The following ABI3BP variants were observed in gnomAD, a reference collection of about 807,000 sequenced individuals.
ABI3BP encodes target of Nesh-SH3.
A neutral mutation model predicts 268.6 loss-of-function variants in ABI3BP; 216 were observed. The ratio of observed to expected loss-of-function variants is 0.80; its 90% CI spans 0.72 to 0.90. ABI3BP has a LOEUF of 0.90. ABI3BP is among the 40% of genes least tolerant of loss of function. ABI3BP has a pLI of 0.00. For missense variants in ABI3BP, 2,090 were observed against 2,182.4 expected (o/e 0.96, Z 0.84); for synonymous variants, 730 against 730.0 (o/e 1.00, Z 0.00).
At chr3:100,768,920 A>G (rs571062337) in intron 62 of ABI3BP, among the ~76,000 whole-genome samples, 5 of 152,340 alleles carry the variant, frequency 3.3e-5, no homozygotes, top group African/African-American at 1.2e-4. Context: ...TATAGAAAGG[A>G]CATGTAGAAG....
intron 21 of ABI3BP, 116 bp from the exon 22 acceptor site, chr3:100,840,974 G>T: frequency 2.5e-6 from 2 of 799,338 alleles, no homozygotes; most frequent in Non-Finnish European, 3.8e-6. Context: ...AATATAAATG[G>T]TGAAGCTTTT....
chr3:100,850,839 G>A, intron 15 of ABI3BP, 105 bp from the exon 16 acceptor site: 1 of 816,838 alleles, frequency 1.2e-6, no homozygotes, highest in Admixed American at 2.4e-5. Context: ...AAAATATCAA[G>A]AATACTTGAG....
In ABI3BP at chr3:100,789,715, A is replaced by T. The variant is rs138784649; in HGVS notation, c.4025-199T>A. ...AAATATACATGACTGAAAATTAAAG[A>T]TGCACATAGAATGAGGTAGTTCATT... On this transcript the variant is annotated intron_variant, in intron 55 of 67. Transcript: ENST00000471714. Among the ~76,000 whole-genome samples, 23 of 152,166 alleles carry T rather than the reference A, an allele frequency of 1.5e-4. No individual in the cohort carries two copies. In the East Asian group the frequency reaches 4.4e-3, roughly 29 times the overall value.
chr3:100,938,861 A>T (rs1265919900), intron 1 of ABI3BP, among the ~76,000 whole-genome samples: 20 of 152,106 alleles, frequency 1.3e-4, no homozygotes, highest in Non-Finnish European at 2.9e-4. Context: ...CTGCAGTGGT[A>T]TGATGGCATG....
intron 6 of ABI3BP, among the ~76,000 whole-genome samples, chr3:100,883,047 A>C (rs2040198853): frequency 6.6e-6 from 1 of 152,110 alleles, no homozygotes; most frequent in African/African-American, 2.4e-5. Context: ...AGATGAAGGG[A>C]ACTTAGGGAG....
chr3:100,765,858 ATT>A lies in ABI3BP; in HGVS notation c.4831_4832del (p.Asn1611SerfsTer8). ...TGGCTTACCTCGTGTTTGGTTTCAG[ATT>A]TTCTACTGTGGAAAATGTCTGATTT... ...MTNQTFSTVE[N>X]LKPNTSYEFQ... is the part of the protein sequence containing the mutation. On this transcript the variant is annotated frameshift_variant, in exon 63 of 68. Transcript: ENST00000471714. LOFTEE classifies it high-confidence loss of function. 5.0e-6 allele frequency: 8 copies of A among 1,609,788 alleles called. No homozygotes were observed. The highest frequency in any genetic ancestry group is 6.8e-6 in the Non-Finnish European group (8 of 1,177,702).
intron 41 of ABI3BP, 138 bp downstream of exon 41, chr3:100,818,387 G>T: frequency 1.3e-6 from 1 of 763,096 alleles, no homozygotes; most frequent in Non-Finnish European, 2.1e-6. Flanking sequence ...ACAGAGCCTA[G>T]CATAATTTCA....
At chr3:100,794,711 A>G (rs1447769627) in intron 54 of ABI3BP, among the ~76,000 whole-genome samples, 1 of 152,010 alleles carries the variant, frequency 6.6e-6, no homozygotes, top group Non-Finnish European at 1.5e-5. Context: ...AATTTAACAC[A>G]TCTTAGATGT....
chr3:100,846,949 C>T (rs1024472280), intron 19 of ABI3BP, among the ~76,000 whole-genome samples: 2 of 152,146 alleles, frequency 1.3e-5, no homozygotes, highest in African/African-American at 4.8e-5. Flanking sequence ...GTATTAAGAC[C>T]AGCTATATTT....
intron 2 of ABI3BP, among the ~76,000 whole-genome samples, chr3:100,907,771 T>C (rs2054122999): frequency 6.6e-6 from 1 of 151,528 alleles, no homozygotes; most frequent in Non-Finnish European, 1.5e-5. Context: ...CAGCACATAA[T>C]ACAATAATAA....
chr3:100,775,801 G>T (rs2096683878), intron 59 of ABI3BP, among the ~76,000 whole-genome samples: 1 of 152,134 alleles, frequency 6.6e-6, no homozygotes, highest in South Asian at 2.1e-4. Flanking sequence ...GAGTGGAAGG[G>T]CAAGGAAGGG....
chr3:100,909,070 A>G (rs1253531899), intron 2 of ABI3BP, among the ~76,000 whole-genome samples: 1 of 152,212 alleles, frequency 6.6e-6, no homozygotes, highest in African/African-American at 2.4e-5. Context: ...ACATAGACCA[A>G]TGAAACAGAA....
chr3:100,757,724 A>AAC, intron 63 of ABI3BP, among the ~76,000 whole-genome samples: 1 of 152,328 alleles, frequency 6.6e-6, no homozygotes, highest in East Asian at 1.9e-4. Flanking sequence ...TGCCATTAAA[A>AAC]ACATACAACA....
chr3:100,816,759 G>A lies in ABI3BP; in HGVS notation c.3158C>T (p.Thr1053Ile), dbSNP rs1490001721. 1.3e-6 allele frequency: 2 copies of A among 1,535,760 alleles called. No homozygotes were observed. Among genetic ancestry groups the A allele is most frequent in the African/African-American group, 2.7e-5 (2 of 73,146 alleles). The change falls in exon 43 of 68, where the codon ACA becomes ATA. Residue 1053 changes from threonine to isoleucine, a missense_variant. By Grantham distance (89) the Thr-to-Ile change is moderately conservative. Transcript: ENST00000471714. ...KFPETTLAPK[T>I]QRTRRPRPRP... is the part of the protein sequence containing the mutation. The stretch of plus-strand genomic sequence containing the variant: ...GGGACGGGGACGACGTGTCCGTTGT[G>A]TTTTAGGAGCTGAAGGAAGAAACTT...
At chr3:100,766,508 G>A (rs2096276030) in intron 62 of ABI3BP, among the ~76,000 whole-genome samples, 1 of 152,186 alleles carries the variant, frequency 6.6e-6, no homozygotes, top group South Asian at 2.1e-4. Flanking sequence ...AACTATAGGA[G>A]TAGTTGGTTT....
At chr3:100,810,846 CTG>C (rs372027133) in intron 48 of ABI3BP, among the ~76,000 whole-genome samples, 1 of 152,084 alleles carries the variant, frequency 6.6e-6, no homozygotes, top group Non-Finnish European at 1.5e-5. Context: ...ATATAAATAA[CTG>C]TGATGGGATA....
At chr3:100,986,453 G>A (rs966079223) in intron 1 of ABI3BP, among the ~76,000 whole-genome samples, 4 of 152,052 alleles carry the variant, frequency 2.6e-5, no homozygotes, top group African/African-American at 9.7e-5. Context: ...TTTGTTATAA[G>A]AAAAAGATAA....
rs1348539246 is a variant in ABI3BP, at chr3:100,795,789, T to C, written c.3865+15A>G. On this transcript the variant is annotated intron_variant, in intron 53 of 67. Transcript: ENST00000471714. ...GCAAAGAAAACAGAGTTGGTCAATA[T>C]GGGAAAACCATTACCTATTGTTGTC... The C allele has an allele frequency of 1.0e-5, 13 of 1,285,282 alleles. No individual in the cohort carries two copies. The highest frequency in any genetic ancestry group is 1.3e-5 in the Non-Finnish European group (13 of 987,350). The allele number at this position is 1,285,282 out of a possible 1,614,324, so 79.6% of individuals were successfully genotyped here.
intron 53 of ABI3BP, 65 bp from the exon 54 acceptor site, chr3:100,795,068 G>A: frequency 1.0e-6 from 1 of 996,062 alleles, no homozygotes; most frequent in Non-Finnish European, 1.4e-6. Context: ...GACCAGATTG[G>A]TATTACATGA....
Sources: allele counts gnomAD v4.1 joint callset (sites outside exome capture counted in the v4.1 genomes callset), GRCh38; gene constraint gnomAD v4.1.1; transcripts MANE v1.5; gene names NCBI Gene and HGNC (gene_info 2026-07-23, HGNC 2026-07-21).